Variants in IMMP2L observed in about 807,000 individuals in gnomAD.
IMMP2L encodes the protein mitochondrial inner membrane protease subunit 2.
A neutral mutation model predicts 19.3 loss-of-function variants in IMMP2L; 18 were observed. That is an observed-to-expected ratio of 0.93 (90% CI 0.64 to 1.38). IMMP2L has a LOEUF of 1.38. IMMP2L is among the 40% of genes most tolerant of loss of function. The pLI is 0.00. For missense variants in IMMP2L, 233 were observed against 218.2 expected (o/e 1.07, Z -0.43); for synonymous variants, 76 against 73.0 (o/e 1.04, Z -0.21).
At chr7:111,513,734 A>G (rs1028285363) in intron 2 of IMMP2L, among the ~76,000 whole-genome samples, 5 of 152,108 alleles carry the variant, frequency 3.3e-5, no homozygotes, top group African/African-American at 1.2e-4. Flanking sequence ...GGGATAAAGA[A>G]AGTGTAGTCA....
At chr7:111,369,300 G>A (rs1830065899) in intron 3 of IMMP2L, among the ~76,000 whole-genome samples, 1 of 151,794 alleles carries the variant, frequency 6.6e-6, no homozygotes. Context: ...ATCTTCTATA[G>A]GTTTTTACAT....
At chr7:111,533,149 G>A (rs1014692246) in intron 1 of IMMP2L, among the ~76,000 whole-genome samples, 1 of 152,142 alleles carries the variant, frequency 6.6e-6, no homozygotes, top group Non-Finnish European at 1.5e-5. Context: ...GTGGCCTGGA[G>A]ATAAAAGCAG....
intron 3 of IMMP2L, among the ~76,000 whole-genome samples, chr7:111,361,101 G>A (rs774385069): frequency 6.6e-6 from 1 of 151,886 alleles, no homozygotes; most frequent in Non-Finnish European, 1.5e-5. Flanking sequence ...CTGTAACAAT[G>A]CCAGGATTCC....
At chr7:111,047,961 C>T (rs564326665) in intron 3 of IMMP2L, among the ~76,000 whole-genome samples, 54 of 151,872 alleles carry the variant, frequency 3.6e-4, no homozygotes, top group Middle Eastern at 3.4e-3. Flanking sequence ...TGCTTCCTGC[C>T]GGGTGTGGTG....
intron 3 of IMMP2L, among the ~76,000 whole-genome samples, chr7:111,337,254 T>C (rs868054722): frequency 6.6e-6 from 1 of 152,156 alleles, no homozygotes; most frequent in African/African-American, 2.4e-5. Context: ...TAGTTTATTT[T>C]AACTTAGAAA....
chr7:110,979,899 C>T (rs1821086696), intron 3 of IMMP2L, among the ~76,000 whole-genome samples: 1 of 151,990 alleles, frequency 6.6e-6, no homozygotes, highest in Non-Finnish European at 1.5e-5. Flanking sequence ...TTTAATTTTA[C>T]ACTTTAAAAA....
chr7:110,874,656 A>G (rs1045349400), intron 5 of IMMP2L, among the ~76,000 whole-genome samples: 2 of 152,106 alleles, frequency 1.3e-5, no homozygotes, highest in Admixed American at 6.6e-5. Flanking sequence ...TTATGTGACT[A>G]TAATAACATC....
At chr7:111,163,937 T>C (rs1032748108) in intron 3 of IMMP2L, among the ~76,000 whole-genome samples, 3 of 152,100 alleles carry the variant, frequency 2.0e-5, no homozygotes, top group Admixed American at 1.3e-4. Flanking sequence ...GAAGGAGCTT[T>C]TCCTACTATA....
chr7:110,802,298 T>C (rs1179739867), intron 5 of IMMP2L, among the ~76,000 whole-genome samples: 1 of 150,746 alleles, frequency 6.6e-6, no homozygotes, highest in Non-Finnish European at 1.5e-5. Flanking sequence ...GGAATTTTTC[T>C]TTTAAAGACA....
intron 2 of IMMP2L, among the ~76,000 whole-genome samples, chr7:111,506,583 A>G (rs1300482953): frequency 2.0e-5 from 3 of 152,044 alleles, no homozygotes; most frequent in African/African-American, 7.2e-5. Flanking sequence ...TTTTTAGTAG[A>G]GACAGGTTTT....
intron 4 of IMMP2L, among the ~76,000 whole-genome samples, chr7:110,946,915 T>C (rs1219043216): frequency 6.6e-6 from 1 of 151,796 alleles, no homozygotes. Context: ...AGAGATGGAG[T>C]TTCACCGTGT....
chr7:111,021,466 G>A (rs1348104627), intron 3 of IMMP2L, among the ~76,000 whole-genome samples: 1 of 152,220 alleles, frequency 6.6e-6, no homozygotes, highest in African/African-American at 2.4e-5. Flanking sequence ...GAAGTTTAAT[G>A]GACTCACAGT....
intron 5 of IMMP2L, among the ~76,000 whole-genome samples, chr7:110,680,657 G>A (rs1792652140): frequency 6.6e-6 from 1 of 152,074 alleles, no homozygotes; most frequent in Non-Finnish European, 1.5e-5. Flanking sequence ...TCTTAATAAT[G>A]GCTGCCTGTC....
intron 3 of IMMP2L, among the ~76,000 whole-genome samples, chr7:111,275,835 T>A (rs1818973061): frequency 6.6e-6 from 1 of 152,180 alleles, no homozygotes; most frequent in Admixed American, 6.5e-5. Context: ...GACTTGGTCC[T>A]CAGCTAGATT....
At chr7:111,307,026 T>G (rs1441404965) in intron 3 of IMMP2L, among the ~76,000 whole-genome samples, 2 of 149,506 alleles carry the variant, frequency 1.3e-5, no homozygotes, top group East Asian at 3.9e-4. Flanking sequence ...TATATATTTT[T>G]CTATCTATTT....
intron 3 of IMMP2L, among the ~76,000 whole-genome samples, chr7:110,991,029 TTAAAAG>T (rs1280360227): frequency 6.6e-6 from 1 of 152,214 alleles, no homozygotes; most frequent in African/African-American, 2.4e-5. Context: ...TGTTTCATAA[TTAAAAG>T]TAAATTTCAT....
Position 110,794,376 on chromosome 7 carries a change from A to T in IMMP2L, c.408+92217T>A, listed in dbSNP as rs186759659. On this transcript the variant is annotated intron_variant, in intron 5 of 5. Coordinates refer to ENST00000405709, the MANE Select transcript of IMMP2L (RefSeq NM_032549.4). ...GACATAGAGAAACCTTAATATTACT[A>T]AGTGAAGGAAGCCAGTCTGAAAAGG... 2.0e-4 allele frequency among the ~76,000 whole-genome samples: 30 copies of T among 152,258 alleles called. 1 individual carries two copies. Among genetic ancestry groups the T allele is most frequent in the African/African-American group, 6.7e-4 (28 of 41,578 alleles).
chr7:110,990,526 A>G (rs1180324937), intron 3 of IMMP2L, among the ~76,000 whole-genome samples: 4 of 152,176 alleles, frequency 2.6e-5, no homozygotes, highest in East Asian at 1.9e-4. Flanking sequence ...AGCCCTTGCC[A>G]TACTTCTTTT....
At chr7:111,157,853 C>T (rs1297165439) in intron 3 of IMMP2L, among the ~76,000 whole-genome samples, 1 of 151,586 alleles carries the variant, frequency 6.6e-6, no homozygotes, top group African/African-American at 2.4e-5. Flanking sequence ...AATATATATA[C>T]CTACTATAAA....
Sources: gnomAD v4.1 joint callset for allele counts (sites outside exome capture counted in the v4.1 genomes callset) on GRCh38, gnomAD v4.1.1 for gene constraint, MANE v1.5 for transcripts, NCBI Gene and HGNC (gene_info 2026-07-23, HGNC 2026-07-21) for gene names.